GLE1: variants seen among roughly 807,000 people sequenced by gnomAD.
The protein encoded by GLE1 is GLE1 RNA export mediator, also known as mRNA export factor GLE1.
In GLE1, 78 loss-of-function variants were observed where a neutral mutation model predicts 97.3. That is an observed-to-expected ratio of 0.80 (90% CI 0.67 to 0.97). The LOEUF is 0.97. Ranked by LOEUF, GLE1 falls within the 50% of genes least tolerant of loss-of-function variation. The pLI is 0.00. For synonymous variants in GLE1, 302 were observed against 313.4 expected, an observed-to-expected ratio of 0.96 and a Z score of 0.39; for missense variants, 753 against 857.5, an observed-to-expected ratio of 0.88 and a Z score of 1.52.
intron 9 of GLE1, among the ~76,000 whole-genome samples, chr9:128,530,560 A>G (rs571218281): frequency 4.6e-5 from 7 of 152,326 alleles, no homozygotes; most frequent in African/African-American, 1.2e-4. Context: ...TGCTCTAGTT[A>G]GTGCTCAGTA....
rs1490783611 is a variant in GLE1 at position 128,508,866 on chromosome 9, T to G, written c.100-10T>G. Reference sequence around the variant, plus strand: ...GTGTAAGTTGAGCTTAACCCTATTCTTTTCTCTAGGATGTTTTAGAAGAAT... The same window carrying G: ...GTGTAAGTTGAGCTTAACCCTATTCGTTTCTCTAGGATGTTTTAGAAGAAT... On this transcript the variant is annotated splice_polypyrimidine_tract_variant and intron_variant, in intron 1 of 15. Transcript: ENST00000309971. 1.3e-6 allele frequency: 2 copies of G among 1,499,962 alleles called. No homozygotes were observed. Among genetic ancestry groups the G allele is most frequent in the South Asian group, 2.3e-5 (2 of 88,728 alleles). The allele number at this position is 1,499,962 out of a possible 1,614,324, so 92.9% of individuals were successfully genotyped here.
Position 128,539,679 on chromosome 9 carries a change from A to G in GLE1, c.1945A>G (p.Lys649Glu). The change falls in exon 14 of 16, where the codon AAA becomes GAA. Residue 649 changes from lysine (K) to glutamate (E), a missense_variant. Transcript: ENST00000309971. ...VQFWKMLILI[K>E]EDYFPRIEAI... Reference sequence around the variant, plus strand: ...GTTCTGGAAGATGCTAATTCTCATCAAAGAGGACTACTTTCCCAGGTATCA... The same window carrying G: ...GTTCTGGAAGATGCTAATTCTCATCGAAGAGGACTACTTTCCCAGGTATCA... 1 of 1,612,590 alleles carries G rather than the reference A, an allele frequency of 6.2e-7. No individual in the cohort carries two copies. The highest frequency in any genetic ancestry group is 1.1e-5 in the South Asian group (1 of 91,058).
Position 128,536,436 on chromosome 9 carries a change from C to G in GLE1, c.1728C>G (p.Leu576=), listed in dbSNP as rs769067263. Residue 576 remains leucine (L), a synonymous_variant, in exon 12 of 16, where the codon CTC becomes CTG. Coordinates refer to ENST00000309971, the MANE Select transcript of GLE1 (RefSeq NM_001003722.2). Reference sequence around the variant, plus strand: ...AACGCATGTCAGGGATGATCCGTCTCTACGCTGCTATCATCCAGCTCCGGT... The same window carrying G: ...AACGCATGTCAGGGATGATCCGTCTGTACGCTGCTATCATCCAGCTCCGGT... The part of the protein sequence containing the change: ...FLKRMSGMIR[L]YAAIIQLRWP... 6.2e-7 allele frequency: 1 copy of G among 1,614,034 alleles called. No homozygotes were observed.
chr9:128,506,489 A>G (rs915753583), intron 1 of GLE1, among the ~76,000 whole-genome samples: 2 of 152,036 alleles, frequency 1.3e-5, no homozygotes, highest in African/African-American at 2.4e-5. Context: ...TTTCATTGAC[A>G]TTTCTTTACT....
Position 128,504,817 on chromosome 9 carries a change from G to A in GLE1, c.12G>A (p.Glu4=). The A allele has an allele frequency of 6.2e-7, 1 of 1,610,678 alleles. No individual in the cohort carries two copies. Among genetic ancestry groups the A allele is most frequent in the Non-Finnish European group, 8.5e-7 (1 of 1,176,892 alleles). Residue 4 remains glutamate, a synonymous_variant, in exon 1 of 16, where the codon GAG becomes GAA. Coordinates refer to ENST00000309971, the MANE Select transcript of GLE1 (RefSeq NM_001003722.2). Reference sequence around the variant, plus strand: ...CCCCTTAGCCAACCATGCCGTCTGAGGGTCGCTGCTGGGAGACCTTGAAGG... The same window carrying A: ...CCCCTTAGCCAACCATGCCGTCTGAAGGTCGCTGCTGGGAGACCTTGAAGG... MPS[E]GRCWETLKAL... is the part of the protein sequence containing the mutation.
Position 128,522,657 on chromosome 9 carries a change from A to C in GLE1, c.433-11A>C, listed in dbSNP as rs895599693. On this transcript the variant is annotated splice_polypyrimidine_tract_variant and intron_variant, in intron 3 of 15. Coordinates refer to ENST00000309971, the MANE Select transcript of GLE1 (RefSeq NM_001003722.2). ...TCTTAAAAAAAAAAAAAAAAAAAAA[A>C]ACCTTTTCAGGAGGGCCTGAGGCTA... The C allele has an allele frequency of 5.0e-6, 8 of 1,584,230 alleles. No homozygotes were observed. The highest frequency in any genetic ancestry group is 2.7e-5 in the African/African-American group (2 of 72,810).
intron 2 of GLE1, among the ~76,000 whole-genome samples, chr9:128,509,965 A>C (rs7874768): frequency 0.036 from 5,437 of 152,306 alleles, 181 homozygotes; most frequent in African/African-American, 0.095. Context: ...TCTCAAAAAA[A>C]AGTTAAATTT....
intron 9 of GLE1, among the ~76,000 whole-genome samples, chr9:128,530,769 C>T (rs879843202): frequency 6.6e-6 from 1 of 151,772 alleles, no homozygotes; most frequent in Admixed American, 6.6e-5. Context: ...ATTAGCTGGG[C>T]GTGGTGGCAG....
chr9:128,526,027 T>G (rs138023172), intron 7 of GLE1, among the ~76,000 whole-genome samples: 38 of 152,086 alleles, frequency 2.5e-4, no homozygotes, highest in African/African-American at 7.5e-4. Context: ...TGTTGTTGTT[T>G]TTTGCGGGGA....
chr9:128,541,345 A>C lies in GLE1; in HGVS notation c.*175A>C, dbSNP rs1847878718. 1.6e-6 allele frequency: 1 copy of C among 621,024 alleles called. No individual in the cohort carries two copies. The highest frequency in any genetic ancestry group is 1.8e-5 in the African/African-American group (1 of 54,346). The allele number at this position is 621,024 out of a possible 1,614,324, so 38.5% of individuals were successfully genotyped here. A position where few individuals can be genotyped will look rare whatever the true frequency, so the allele number is the denominator to read the frequency against. On this transcript the variant is annotated 3_prime_UTR_variant, in exon 16 of 16. Coordinates refer to ENST00000309971, the MANE Select transcript of GLE1 (RefSeq NM_001003722.2). ...TTTTCATGGGTCACAAAATTCTTGG[A>C]GGTCCCTTAGTAGATTTGGTAGTTC...
chr9:128,508,180 CAA>C (rs561804495), intron 1 of GLE1, among the ~76,000 whole-genome samples: 5 of 74,462 alleles, frequency 6.7e-5, no homozygotes, highest in Non-Finnish European at 8.7e-5. Context: ...AACTCCATCT[CAA>C]AAAAAAAAAA....
chr9:128,535,522 C>CAA (rs60357152), intron 11 of GLE1, among the ~76,000 whole-genome samples: 3,641 of 120,174 alleles, frequency 0.03, 118 homozygotes, highest in Non-Finnish European at 0.044. Flanking sequence ...AACTCTGTCT[C>CAA]AAAAAAAAAA....
intron 3 of GLE1, among the ~76,000 whole-genome samples, chr9:128,521,153 T>C (rs1343866470): frequency 6.6e-6 from 1 of 152,166 alleles, no homozygotes; most frequent in Non-Finnish European, 1.5e-5. Flanking sequence ...TGTCTTTTTT[T>C]TCTTTCCAAT....
intron 1 of GLE1, among the ~76,000 whole-genome samples, chr9:128,506,028 G>T (rs1846631371): frequency 6.6e-6 from 1 of 152,138 alleles, no homozygotes; most frequent in Admixed American, 6.6e-5. Context: ...AAATGTCCCA[G>T]ATTTTGTAAG....
intron 3 of GLE1, among the ~76,000 whole-genome samples, chr9:128,521,765 A>G (rs1847159330): frequency 6.6e-6 from 1 of 152,178 alleles, no homozygotes; most frequent in African/African-American, 2.4e-5. Context: ...ATTCTTGTAC[A>G]TATATCTTTG....
chr9:128,525,206 AG>A lies in GLE1; in HGVS notation c.913del (p.Ala305GlnfsTer18), dbSNP rs759106601. Reference sequence around the variant, plus strand: ...CACTCTGACAGAGCAGCTATCCCACAGCAGAGAGTCAAGCTGAGGCTGAGCG... The same window carrying A: ...CACTCTGACAGAGCAGCTATCCCACACAGAGAGTCAAGCTGAGGCTGAGCG... ...RASSESSYPT[A>X]ESQAEAERAL... On this transcript the variant is annotated frameshift_variant, in exon 7 of 16. Transcript: ENST00000309971. LOFTEE classifies it high-confidence loss of function. The A allele has an allele frequency of 6.2e-7, 1 of 1,613,858 alleles. No individual in the cohort carries two copies. Among genetic ancestry groups the A allele is most frequent in the South Asian group, 1.1e-5 (1 of 91,084 alleles).
intron 2 of GLE1, among the ~76,000 whole-genome samples, chr9:128,513,513 T>C (rs996527291): frequency 6.6e-6 from 1 of 151,576 alleles, no homozygotes; most frequent in South Asian, 2.1e-4. Flanking sequence ...GCTCAGGCAT[T>C]CGAGACTAGC....
At position 128,533,631 on chromosome 9, in the gene GLE1, A is replaced by G. The variant is rs149283351; in HGVS notation, c.1431A>G (p.Gln477=). Residue 477 remains glutamine, a synonymous_variant, in exon 10 of 16, where the codon CAA becomes CAG. Transcript: ENST00000309971. ...TLNPQGLDFV[Q]YKLAEKFVKQ... is the part of the protein sequence containing the mutation. ...ACCCACAGGGGCTGGACTTTGTTCA[A>G]TACAAACTGGCAGAGAAATTTGTGG... The G allele has an allele frequency of 4.2e-5, 68 of 1,614,158 alleles. No individual in the cohort carries two copies. The highest frequency in any genetic ancestry group is 8.9e-5 in the East Asian group (4 of 44,884).
intron 14 of GLE1, 65 bp downstream of exon 14, chr9:128,539,763 A>T: frequency 6.2e-7 from 1 of 1,613,124 alleles, no homozygotes. Flanking sequence ...CAGATACCCA[A>T]GGGTGCTATT....
Sources: gnomAD v4.1 joint callset for allele counts (sites outside exome capture counted in the v4.1 genomes callset) on GRCh38, gnomAD v4.1.1 for gene constraint, MANE v1.5 for transcripts, NCBI Gene and HGNC (gene_info 2026-07-23, HGNC 2026-07-21) for gene names.